Variants in SEMA4A observed in about 807,000 individuals in gnomAD.
SEMA4A encodes the protein semaphorin-4A.
Under a neutral mutation model 72.5 loss-of-function variants are expected in SEMA4A, and 52 were observed. The observed-to-expected ratio is 0.72, with a 90% CI of 0.57 to 0.90. SEMA4A has a LOEUF of 0.90. SEMA4A is among the 40% of genes least tolerant of loss of function. The pLI is 0.00. For synonymous variants in SEMA4A, 369 were observed against 393.1 expected (o/e 0.94, Z 0.73); for missense variants, 926 against 959.7 (o/e 0.96, Z 0.46).
intron 2 of SEMA4A, 165 bp downstream of exon 2, chr1:156,154,882 C>A (rs1652872059): frequency 2.2e-6 from 2 of 928,528 alleles, no homozygotes; most frequent in African/African-American, 1.7e-5. Context: ...AGAGACACAG[C>A]CAGAAACAGA....
intron 2 of SEMA4A, chr1:156,154,926 G>A (rs920213758): frequency 3.0e-6 from 2 of 668,956 alleles, no homozygotes; most frequent in Non-Finnish European, 4.9e-6. Flanking sequence ...CTGGAGAGCA[G>A]ATTGAGGAAA....
chr1:156,169,489 G>A (rs1401745927), intron 10 of SEMA4A, among the ~76,000 whole-genome samples: 9 of 140,948 alleles, frequency 6.4e-5, no homozygotes, highest in African/African-American at 1.6e-4. Flanking sequence ...GTGCGATCTC[G>A]GCTCACTGCA....
chr1:156,158,393 G>T lies in SEMA4A; in HGVS notation c.369G>T (p.Gln123His), dbSNP rs2102946581. ...AAATTCTCTGTCTCCCTCAGACACAGTGTTTCAACTTCATCCGTGTCCTGG... is the reference window on the plus strand; with the variant it reads ...AAATTCTCTGTCTCCCTCAGACACATTGTTTCAACTTCATCCGTGTCCTGG... ...CAFKKKSNET[Q>H]CFNFIRVLVS... The change falls in exon 5 of 15, where the codon CAG becomes CAT. Residue 123 changes from glutamine to histidine, a missense_variant. Gln to His is a conservative substitution (Grantham distance 24). Transcript: ENST00000368285. 6.2e-7 allele frequency: 1 copy of T among 1,613,382 alleles called. No homozygotes were observed. The highest frequency in any genetic ancestry group is 8.5e-7 in the Non-Finnish European group (1 of 1,179,302).
chr1:156,157,521 GAGGA>G lies in SEMA4A; in HGVS notation c.301-538_301-535del, dbSNP rs1653151656. 6.6e-6 allele frequency among the ~76,000 whole-genome samples: 1 copy of G among 152,156 alleles called. No individual in the cohort carries two copies. Among genetic ancestry groups the G allele is most frequent in the Non-Finnish European group, 1.5e-5 (1 of 68,022 alleles). ...GTCGCCCTATTAATGGGAACAATGT[GAGGA>G]AGGAAGGAAGAAAGGGAGAGAAGGC... On this transcript the variant is annotated intron_variant, in intron 3 of 14. Coordinates refer to ENST00000368285, the MANE Select transcript of SEMA4A (RefSeq NM_022367.4). This position sits in a 1 kb window ranked among gnomAD's most constrained non-coding sequence, Gnocchi z 4.5.
At chr1:156,156,157 C>T (rs1156892503) in intron 2 of SEMA4A, 2 of 482,150 alleles carry the variant, frequency 4.1e-6, no homozygotes, top group Non-Finnish European at 3.9e-6. Flanking sequence ...GAAGAGCATC[C>T]ACTGTGCCTC....
At chr1:156,163,154 A>G in intron 10 of SEMA4A, 60 bp downstream of exon 10, 2 of 1,586,978 alleles carry the variant, frequency 1.3e-6, no homozygotes, top group Non-Finnish European at 8.7e-7. Context: ...ATGAAAAAAC[A>G]CCTATCATGG....
In SEMA4A at chr1:156,176,434, AT is replaced by A; in HGVS notation, c.1724del (p.Ile575ThrfsTer38). On this transcript the variant is annotated frameshift_variant, in exon 15 of 15. Transcript: ENST00000368285. LOFTEE classifies it high-confidence loss of function. ...IKEVLAVPNS[I>X]LELPCPHLSA... is the part of the protein sequence containing the mutation. ...AGAAGTCCTGGCTGTCCCCAACTCC[AT>A]CCTGGAGCTCCCCTGCCCCCACCTG... 1 of 1,613,880 alleles carries A rather than the reference AT, an allele frequency of 6.2e-7. No homozygotes were observed. Among genetic ancestry groups the A allele is most frequent in the Non-Finnish European group, 8.5e-7 (1 of 1,179,968 alleles).
Position 156,176,696 on chromosome 1 carries a change from A to G in SEMA4A, c.1985A>G (p.Lys662Arg). 6.2e-7 allele frequency: 1 copy of G among 1,614,116 alleles called. No homozygotes were observed. The highest frequency in any genetic ancestry group is 8.5e-7 in the Non-Finnish European group (1 of 1,179,956). Residue 662 changes from lysine to arginine, a missense_variant, in exon 15 of 15, where the codon AAG (lysine) becomes AGG (arginine). Physicochemically the swap from Lys to Arg is conservative, Grantham distance 26. Coordinates refer to ENST00000368285, the MANE Select transcript of SEMA4A (RefSeq NM_022367.4). ...GCAGGCATCCCCCGGGAGCATGTGA[A>G]GGTCCCGTTGACCAGGGTCAGTGGT... ...ELAGIPREHV[K>R]VPLTRVSGGA...
intron 2 of SEMA4A, 87 bp from the exon 3 acceptor site, chr1:156,156,327 C>A (rs1490915408): frequency 1.5e-6 from 2 of 1,336,962 alleles, no homozygotes; most frequent in Non-Finnish European, 1.1e-6. Context: ...ACTCAGGCAA[C>A]CCTTCCCCTT....
chr1:156,151,191 CT>C (rs2102921447), upstream of SEMA4A, among the ~76,000 whole-genome samples: 1 of 152,368 alleles, frequency 6.6e-6, no homozygotes, highest in South Asian at 2.1e-4. Context: ...TGTAGAGCCC[CT>C]TGTTTAAGTA....
At chr1:156,174,980 G>T (rs1655170318) in intron 12 of SEMA4A, 40 bp downstream of exon 12, 1 of 1,614,212 alleles carries the variant, frequency 6.2e-7, no homozygotes, top group African/African-American at 1.3e-5. Flanking sequence ...TTCCAGTGGG[G>T]CTGGCCTTGG....
In SEMA4A at chr1:156,156,474, T is replaced by A. The variant is rs1331496563; in HGVS notation, c.200T>A (p.Leu67Gln). The stretch of plus-strand genomic sequence containing the variant: ...AAGGGCCTCCAGGATTTTGACACTC[T>A]GCTCCTGAGTGGTGATGGAAATACT... ...HQKGLQDFDT[L>Q]LLSGDGNTLY... Residue 67 changes from leucine to glutamine, a missense_variant, in exon 3 of 15, where the codon CTG becomes CAG. By Grantham distance (113) the Leu-to-Gln change is moderately radical (BLOSUM62 -2). Coordinates refer to ENST00000368285, the MANE Select transcript of SEMA4A (RefSeq NM_022367.4). 4 of 1,613,980 alleles carry A rather than the reference T, an allele frequency of 2.5e-6. No homozygotes were observed. The highest frequency in any genetic ancestry group is 1.3e-5 in the African/African-American group (1 of 74,920).
At chr1:156,165,882 TTC>T (rs1654102956) in intron 10 of SEMA4A, among the ~76,000 whole-genome samples, 1 of 150,990 alleles carries the variant, frequency 6.6e-6, no homozygotes, top group African/African-American at 2.4e-5. Flanking sequence ...GTTCTGAGTT[TTC>T]TTGAACTATA....
At chr1:156,163,190 G>A (rs1653837205) in intron 10 of SEMA4A, 96 bp downstream of exon 10, 1 of 1,410,064 alleles carries the variant, frequency 7.1e-7, no homozygotes, top group Non-Finnish European at 9.9e-7. Flanking sequence ...ATAAATGTTA[G>A]TGCTCTCCAC....
intron 6 of SEMA4A, 94 bp downstream of exon 6, chr1:156,158,918 G>T: frequency 4.6e-6 from 5 of 1,091,720 alleles, no homozygotes; most frequent in Non-Finnish European, 5.6e-6. Flanking sequence ...AAAGGCAGGG[G>T]AAACTGGGTG....
chr1:156,154,961 A>G (rs1258744135), intron 2 of SEMA4A: 1 of 563,750 alleles, frequency 1.8e-6, no homozygotes, highest in Admixed American at 3.2e-5. Flanking sequence ...GGCCAGGGGC[A>G]CGCTTCTTCC....
chr1:156,158,978 A>T, intron 6 of SEMA4A, 154 bp downstream of exon 6: 1 of 587,842 alleles, frequency 1.7e-6, no homozygotes, highest in Non-Finnish European at 3.1e-6. Context: ...AAGTTGAAGG[A>T]TGCTTGAGTT....
intron 10 of SEMA4A, 152 bp downstream of exon 10, chr1:156,163,246 A>G (rs1242267525): frequency 6.0e-6 from 5 of 834,638 alleles, no homozygotes; most frequent in Non-Finnish European, 1.9e-6. Context: ...ATAGCTGCCT[A>G]TATTCCACAT....
At chr1:156,169,397 C>G (rs1463964652) in intron 10 of SEMA4A, among the ~76,000 whole-genome samples, 1 of 112,408 alleles carries the variant, frequency 8.9e-6, no homozygotes, top group African/African-American at 3.3e-5. Flanking sequence ...AGGTTTATGT[C>G]TTTTCTTTTC....
Sources: gnomAD v4.1 joint callset for allele counts (sites outside exome capture counted in the v4.1 genomes callset) on GRCh38, gnomAD v4.1.1 for gene constraint, Gnocchi (gnomAD v3.1) non-coding constraint, MANE v1.5 for transcripts, NCBI Gene and HGNC (gene_info 2026-07-23, HGNC 2026-07-21) for gene names.